Variants in DOC2A observed in about 807,000 individuals in gnomAD.
The protein encoded by DOC2A is double C2-like domain-containing protein alpha.
A neutral mutation model predicts 40.6 loss-of-function variants in DOC2A; 28 were observed. The ratio of observed to expected loss-of-function variants is 0.69; its 90% CI spans 0.51 to 0.95. The LOEUF (loss-of-function observed/expected upper bound fraction) is 0.95, where lower values mean the gene tolerates loss of function less well. Ranked by LOEUF, DOC2A falls within the 40% of genes least tolerant of loss-of-function variation. DOC2A has a pLI of 0.00. For missense variants in DOC2A, 474 were observed against 552.5 expected (o/e 0.86, Z 1.42); for synonymous variants, 241 against 236.9 (o/e 1.02, Z -0.16).
intron 1 of DOC2A, among the ~76,000 whole-genome samples, chr16:30,017,626 G>A (rs2150963556): frequency 6.6e-6 from 1 of 152,108 alleles, no homozygotes; most frequent in South Asian, 2.1e-4. Context: ...AACAGACACT[G>A]GGGACTCCAA....
chr16:30,016,043 ATATATATATATATTTTTTTTTT>A (rs1330835775), upstream of DOC2A, among the ~76,000 whole-genome samples: 79 of 22,698 alleles, frequency 3.5e-3, no homozygotes, highest in South Asian at 0.014. Context: ...ATATATATAT[ATATATATATATATTTTTTTTTT>A]TTTTTTTTTT....
At chr16:30,007,366 C>T (rs2070647833) in intron 5 of DOC2A, 67 bp from the exon 6 acceptor site, 14 of 1,608,418 alleles carry the variant, frequency 8.7e-6, no homozygotes, top group Admixed American at 1.7e-5. Flanking sequence ...GTAGGAAGGG[C>T]CTTGGACCAG....
At position 30,006,458 on chromosome 16, in the gene DOC2A, C is replaced by T. The variant is rs1293139314; in HGVS notation, c.1012G>A (p.Val338Ile). ...CCAATGTCATAGTCCCAGACGGTGA[C>T]TTCCAGGGTCTTGGTGGCCAGAGTG... The part of the protein sequence containing the change: ...LSTLATKTLE[V>I]TVWDYDIGKS... The change falls in exon 10 of 11, where the codon GTC (valine) becomes ATC (isoleucine). Residue 338 changes from valine (V) to isoleucine (I), a missense_variant. Transcript: ENST00000350119. The surrounding 1 kb of genome is among the most constrained non-coding windows in gnomAD (Gnocchi z 6.2). The T allele has an allele frequency of 2.5e-6, 4 of 1,613,794 alleles. No homozygotes were observed. The highest frequency in any genetic ancestry group is 1.1e-5 in the South Asian group (1 of 91,048).
chr16:30,008,763 C>T (rs183499978), intron 5 of DOC2A: 24 of 495,648 alleles, frequency 4.8e-5, no homozygotes, highest in Admixed American at 6.4e-5. Flanking sequence ...ACCTCGGCCT[C>T]CCAAAGTGCT....
intron 1 of DOC2A, among the ~76,000 whole-genome samples, chr16:30,019,501 G>A (rs574682298): frequency 5.3e-5 from 8 of 152,324 alleles, no homozygotes; most frequent in South Asian, 4.1e-4. Context: ...CAGCCAGTGC[G>A]TAGCAGGAGC....
At chr16:30,018,752 A>G in intron 1 of DOC2A, 1 of 152,170 alleles carries the variant, frequency 6.6e-6, no homozygotes, top group East Asian at 1.9e-4. Context: ...ACTGGCATAT[A>G]GATGGTATTT....
rs1596699594 is a variant in DOC2A, at chr16:30,007,620, CGT to C, written c.528-323_528-322del. The C allele has an allele frequency of 9.5e-6, 4 of 422,032 alleles. No homozygotes were observed. In the East Asian group the frequency reaches 1.5e-4, roughly 16 times the overall value. 26.1% of individuals were successfully genotyped at this position (422,032 alleles called of 1,614,324 possible). A position where few individuals can be genotyped will look rare whatever the true frequency, so the allele number is the denominator to read the frequency against. On this transcript the variant is annotated intron_variant, in intron 5 of 10. Coordinates refer to ENST00000350119, the MANE Select transcript of DOC2A (RefSeq NM_003586.3). ...GGTGGATGTGGCCATAGACACAGGC[CGT>C]GAGAGCTAGAAGGGCCTTGGAGCCT...
chr16:30,011,424 C>T, upstream of DOC2A: 1 of 985,232 alleles, frequency 1.0e-6, no homozygotes, highest in Non-Finnish European at 1.2e-6. Flanking sequence ...TCCCCAACTA[C>T]TCCTGGGAGA....
rs1288311103 is a variant in DOC2A, at chr16:30,010,488, C to T, written c.-13-253G>A. On this transcript the variant is annotated intron_variant, in intron 1 of 10. Coordinates refer to ENST00000350119, the MANE Select transcript of DOC2A (RefSeq NM_003586.3). The surrounding 1 kb of genome is among the most constrained non-coding windows in gnomAD (Gnocchi z 4.2). ...GTTGCACCACCCCGTCCTCACCCAC[C>T]CACTTCTAGGTTGTCCCTGTATCAT... 1.7e-6 allele frequency: 1 copy of T among 585,552 alleles called. No homozygotes were observed. Among genetic ancestry groups the T allele is most frequent in the Non-Finnish European group, 3.1e-6 (1 of 325,138 alleles). 36.3% of individuals were successfully genotyped at this position (585,552 alleles called of 1,614,324 possible).
At position 30,006,767 on chromosome 16, in the gene DOC2A, G is replaced by T. The variant is rs1323196548; in HGVS notation, c.878+18C>A. On this transcript the variant is annotated intron_variant, in intron 8 of 10. Coordinates refer to ENST00000350119, the MANE Select transcript of DOC2A (RefSeq NM_003586.3). This position sits in a 1 kb window ranked among gnomAD's most constrained non-coding sequence, Gnocchi z 6.2. ...GGGCAGGCTCCCTGGGGAGGAGAGG[G>T]TCAGAGCAAGGGCTCACGTCTTGAC... is the stretch of plus-strand genomic sequence containing the variant. 5.0e-6 allele frequency: 8 copies of T among 1,613,706 alleles called. No homozygotes were observed. The South Asian group carries it at 8.8e-5, about 18-fold the overall frequency.
Position 30,006,171 on chromosome 16 carries a change from G to T in DOC2A, c.*15C>A. On this transcript the variant is annotated 3_prime_UTR_variant, in exon 11 of 11. Transcript: ENST00000350119. This position sits in a 1 kb window ranked among gnomAD's most constrained non-coding sequence, Gnocchi z 6.2. ...ACCCGGCTCGATGGGCCTGTGCCGG[G>T]ACACTGCTGTCCACTCAGGCTGAGG... 6.4e-7 allele frequency: 1 copy of T among 1,570,010 alleles called. No individual in the cohort carries two copies. The highest frequency in any genetic ancestry group is 1.3e-5 in the African/African-American group (1 of 74,312).
chr16:30,008,817 T>C (rs374901230), intron 5 of DOC2A, 179 bp downstream of exon 5: 4 of 605,866 alleles, frequency 6.6e-6, no homozygotes, highest in African/African-American at 3.7e-5. Flanking sequence ...GCAGGAGATA[T>C]TGAGGGGCAG....
upstream of DOC2A, among the ~76,000 whole-genome samples, chr16:30,013,276 T>A (rs2070814791): frequency 6.8e-6 from 1 of 147,066 alleles, no homozygotes; most frequent in Non-Finnish European, 1.5e-5. Context: ...TTTCTTTTTT[T>A]TTTTTTTGAG....
chr16:30,006,052 G>A lies in DOC2A; in HGVS notation c.*134C>T, dbSNP rs565809866. The A allele has an allele frequency of 8.2e-5, 84 of 1,028,814 alleles. 1 individual carries two copies. The highest frequency in any genetic ancestry group is 1.1e-4 in the Non-Finnish European group (80 of 724,664). The allele number at this position is 1,028,814 out of a possible 1,614,324, so 63.7% of individuals were successfully genotyped here. ...CAGCCCCTCATGAGCAGACAGACCCGGGTCACGGAGACTCACAAAAATAGG... is the reference window on the plus strand; with the variant it reads ...CAGCCCCTCATGAGCAGACAGACCCAGGTCACGGAGACTCACAAAAATAGG... On this transcript the variant is annotated 3_prime_UTR_variant, in exon 11 of 11. Coordinates refer to ENST00000350119, the MANE Select transcript of DOC2A (RefSeq NM_003586.3). The surrounding 1 kb of genome is among the most constrained non-coding windows in gnomAD (Gnocchi z 6.2).
chr16:30,009,679 G>C lies in DOC2A; in HGVS notation c.263-122C>G. ...CCAGCCCGCGAGTGTGAGTGCAAGA[G>C]GCTGAGTGGGCCCATGCGTGTGTGC... On this transcript the variant is annotated intron_variant, in intron 2 of 10. Transcript: ENST00000350119. This position sits in a 1 kb window ranked among gnomAD's most constrained non-coding sequence, Gnocchi z 4.1. 1.0e-6 allele frequency: 1 copy of C among 986,378 alleles called. No individual in the cohort carries two copies. The highest frequency in any genetic ancestry group is 1.6e-6 in the Non-Finnish European group (1 of 644,126). The allele number at this position is 986,378 out of a possible 1,614,324, so 61.1% of individuals were successfully genotyped here.
At chr16:30,011,491 T>TC, upstream of DOC2A, 6 of 863,912 alleles carry the variant, frequency 6.9e-6, no homozygotes, top group Non-Finnish European at 8.2e-6. Context: ...CCCTCCCGGG[T>TC]CCCCAAGGCC....
chr16:30,010,807 C>T lies in DOC2A; in HGVS notation c.-14+96G>A. 1 of 906,082 alleles carries T rather than the reference C, an allele frequency of 1.1e-6. No individual in the cohort carries two copies. The highest frequency in any genetic ancestry group is 1.3e-6 in the Non-Finnish European group (1 of 751,320). 56.1% of individuals were successfully genotyped at this position (906,082 alleles called of 1,614,324 possible). ...GGCTCCTCAGGGGAGCCAGAAATTG[C>T]AGCCGCAGGAGAGCCGAACACCCCC... is the stretch of plus-strand genomic sequence containing the variant. On this transcript the variant is annotated intron_variant, in intron 1 of 10. Transcript: ENST00000350119. This position sits in a 1 kb window ranked among gnomAD's most constrained non-coding sequence, Gnocchi z 4.2.
chr16:30,020,247 T>C (rs917634855), intron 1 of DOC2A, among the ~76,000 whole-genome samples: 3 of 151,736 alleles, frequency 2.0e-5, no homozygotes, highest in African/African-American at 7.3e-5. Flanking sequence ...TTTCATCATG[T>C]TGGGCAGGCT....
Position 30,010,429 on chromosome 16 carries a change from C to T in DOC2A, c.-13-194G>A, listed in dbSNP as rs574464673. 172 of 708,956 alleles carry T rather than the reference C, an allele frequency of 2.4e-4. 1 individual carries two copies. Among genetic ancestry groups the T allele is most frequent in the Admixed American group, 5.3e-4 (23 of 43,492 alleles). 43.9% of individuals were successfully genotyped at this position (708,956 alleles called of 1,614,324 possible). A position where few individuals can be genotyped will look rare whatever the true frequency, so the allele number is the denominator to read the frequency against. Reference sequence around the variant, plus strand: ...AGACCCCAAGCTGACTCCACAGGGGCTGGGCTGCCAACCCACTCCTTGCAG... The same window carrying T: ...AGACCCCAAGCTGACTCCACAGGGGTTGGGCTGCCAACCCACTCCTTGCAG... On this transcript the variant is annotated intron_variant, in intron 1 of 10. Transcript: ENST00000350119. This position sits in a 1 kb window ranked among gnomAD's most constrained non-coding sequence, Gnocchi z 4.2.
Sources: allele counts gnomAD v4.1 joint callset (sites outside exome capture counted in the v4.1 genomes callset), GRCh38; gene constraint gnomAD v4.1.1; non-coding constraint Gnocchi (gnomAD v3.1); transcripts MANE v1.5; gene names NCBI Gene and HGNC (gene_info 2026-07-23, HGNC 2026-07-21).